TMEM238L: variants seen among roughly 807,000 people sequenced by gnomAD.
TMEM238L encodes transmembrane protein 238-like.
At chr17:10,800,439 A>C (rs1904702677) in intron 1 of TMEM238L, among the ~76,000 whole-genome samples, 3 of 152,194 alleles carry the variant, frequency 2.0e-5, no homozygotes, top group African/African-American at 7.2e-5. Flanking sequence ...AAAACTTCTA[A>C]AGTTTCTTTG....
chr17:10,801,289 C>T (rs754648795), intron 1 of TMEM238L, among the ~76,000 whole-genome samples: 8 of 152,162 alleles, frequency 5.3e-5, no homozygotes, highest in Non-Finnish European at 1.2e-4. Flanking sequence ...CTGCCCACCT[C>T]GGCCTCCCAA....
chr17:10,803,079 T>C (rs1904795248), intron 1 of TMEM238L, among the ~76,000 whole-genome samples: 1 of 151,896 alleles, frequency 6.6e-6, no homozygotes, highest in Non-Finnish European at 1.5e-5. Flanking sequence ...GCTTCTTGTA[T>C]CCCATCTGGG....
chr17:10,803,757 G>A, exon 1 of TMEM238L: 1 of 399,710 alleles, frequency 2.5e-6, no homozygotes, highest in Non-Finnish European at 4.4e-6. Context: ...ACACCTCAAT[G>A]TTGAGGGAAT....
chr17:10,797,570 T>C (rs1419804088), intron 1 of TMEM238L, among the ~76,000 whole-genome samples: 1 of 152,138 alleles, frequency 6.6e-6, no homozygotes, highest in East Asian at 1.9e-4. Context: ...GTAGTTCTGC[T>C]CGTATACGAT....
At chr17:10,797,104 A>G (rs1022218358) in intron 1 of TMEM238L, among the ~76,000 whole-genome samples, 1 of 152,186 alleles carries the variant, frequency 6.6e-6, no homozygotes, top group Non-Finnish European at 1.5e-5. Flanking sequence ...TGGAAAGAGC[A>G]TAAACCACAG....
intron 1 of TMEM238L, among the ~76,000 whole-genome samples, chr17:10,800,351 C>T (rs763147114): frequency 4.6e-5 from 7 of 152,130 alleles, no homozygotes; most frequent in African/African-American, 1.4e-4. Context: ...TCAGCACACA[C>T]GAATCTGTCA....
At chr17:10,799,859 C>T (rs1597578332) in intron 1 of TMEM238L, among the ~76,000 whole-genome samples, 1 of 152,084 alleles carries the variant, frequency 6.6e-6, no homozygotes, top group African/African-American at 2.4e-5. Flanking sequence ...CCTCACTCTG[C>T]CCCTCACCCC....
intron 1 of TMEM238L, among the ~76,000 whole-genome samples, chr17:10,803,370 G>A (rs8080864): frequency 0.022 from 3,317 of 152,284 alleles, 107 homozygotes; most frequent in African/African-American, 0.071. Context: ...GGGGTGGAAG[G>A]GGCTGTTGAG....
intron 1 of TMEM238L, among the ~76,000 whole-genome samples, chr17:10,803,172 C>T (rs539543062): frequency 6.6e-6 from 1 of 152,222 alleles, no homozygotes; most frequent in South Asian, 2.1e-4. Flanking sequence ...AGTTCACACC[C>T]CTTCATGTAT....
chr17:10,796,010 C>T (rs1430364773), intron 1 of TMEM238L, 62 bp from the exon 2 acceptor site: 1 of 152,158 alleles, frequency 6.6e-6, no homozygotes, highest in Non-Finnish European at 1.5e-5. Context: ...CAATTTCAAG[C>T]CTGTGTGTGG....
At chr17:10,802,917 A>G (rs1422545466) in intron 1 of TMEM238L, among the ~76,000 whole-genome samples, 1 of 152,222 alleles carries the variant, frequency 6.6e-6, no homozygotes, top group East Asian at 1.9e-4. Flanking sequence ...GATGAAATCC[A>G]TGAAGCCAAA....
chr17:10,795,871 TC>T (rs1904525021), exon 2 of TMEM238L: 1 of 152,236 alleles, frequency 6.6e-6, no homozygotes, highest in East Asian at 1.9e-4. Context: ...AGCCTCTCGT[TC>T]CTCCTGGATG....
chr17:10,796,808 A>G (rs1156581573), intron 1 of TMEM238L, among the ~76,000 whole-genome samples: 2 of 152,190 alleles, frequency 1.3e-5, no homozygotes, highest in Non-Finnish European at 2.9e-5. Context: ...CGTTCCCCAC[A>G]TGCAGGCATG....
At chr17:10,801,182 C>G (rs1034571058) in intron 1 of TMEM238L, among the ~76,000 whole-genome samples, 2 of 152,058 alleles carry the variant, frequency 1.3e-5, no homozygotes, top group Non-Finnish European at 2.9e-5. Flanking sequence ...TCCCAAGTAG[C>G]TGGGATTACA....
intron 1 of TMEM238L, among the ~76,000 whole-genome samples, chr17:10,799,438 T>A (rs1904665123): frequency 6.6e-6 from 1 of 152,176 alleles, no homozygotes; most frequent in Admixed American, 6.5e-5. Context: ...CCTCAAGTGA[T>A]CCTCTGGCCT....
At chr17:10,802,851 ACT>A (rs1257881514) in intron 1 of TMEM238L, among the ~76,000 whole-genome samples, 2 of 151,574 alleles carry the variant, frequency 1.3e-5, no homozygotes, top group Non-Finnish European at 2.9e-5. Flanking sequence ...AAATCTTACA[ACT>A]CTCTGCCTCT....
intron 1 of TMEM238L, among the ~76,000 whole-genome samples, chr17:10,799,934 C>CTTTTT (rs562811496): frequency 7.0e-6 from 1 of 142,666 alleles, no homozygotes; most frequent in Non-Finnish European, 1.5e-5. Flanking sequence ...GAAACCACAT[C>CTTTTT]TTTTTTTTTT....
At chr17:10,797,008 T>C (rs11078864) in intron 1 of TMEM238L, among the ~76,000 whole-genome samples, 46,960 of 152,078 alleles carry the variant, frequency 0.31, 7,803 homozygotes, top group Middle Eastern at 0.41. Context: ...AACGAGCCAG[T>C]CTGTGTTCCA....
At chr17:10,795,350 C>G (rs1169848928) in exon 2 of TMEM238L, 1 of 152,264 alleles carries the variant, frequency 6.6e-6, no homozygotes, top group Non-Finnish European at 1.5e-5. Flanking sequence ...ATTAATAGTG[C>G]ACGGTGTGGC....
Sources: allele counts gnomAD v4.1 joint callset (sites outside exome capture counted in the v4.1 genomes callset), GRCh38; gene constraint gnomAD v4.1.1; transcripts MANE v1.5; gene names NCBI Gene and HGNC (gene_info 2026-07-23, HGNC 2026-07-21).